The following TNIK variants were observed in gnomAD, a reference collection of about 807,000 sequenced individuals.
The protein encoded by TNIK is TRAF2 and NCK interacting kinase, also known as TRAF2 and NCK-interacting protein kinase.
Under a neutral mutation model 191.3 loss-of-function variants are expected in TNIK, and 49 were observed. The observed-to-expected ratio is 0.26, with a 90% CI of 0.20 to 0.32. TNIK has a LOEUF of 0.32. TNIK is among the 10% of genes least tolerant of loss of function. TNIK has a pLI of 1.00. For synonymous variants in TNIK, 594 were observed against 600.9 expected, an observed-to-expected ratio of 0.99 and a Z score of 0.17; for missense variants, 1,155 against 1,702.3, an observed-to-expected ratio of 0.68 and a Z score of 5.66.
At chr3:171,120,869 C>G (rs1398836290) in intron 18 of TNIK, among the ~76,000 whole-genome samples, 3 of 152,058 alleles carry the variant, frequency 2.0e-5, no homozygotes, top group African/African-American at 2.4e-5. Context: ...ATAATTTTGC[C>G]CCTACTAGTA....
chr3:171,147,849 C>A (rs1731849370), intron 12 of TNIK, among the ~76,000 whole-genome samples: 1 of 152,164 alleles, frequency 6.6e-6, no homozygotes, highest in Non-Finnish European at 1.5e-5. Flanking sequence ...CCATGCCTGA[C>A]TCTTGCCATG....
chr3:171,278,103 G>A (rs768234995), intron 2 of TNIK, among the ~76,000 whole-genome samples: 1 of 152,188 alleles, frequency 6.6e-6, no homozygotes, highest in Non-Finnish European at 1.5e-5. Flanking sequence ...ACCCGATGGG[G>A]ACGAACATGA....
intron 12 of TNIK, among the ~76,000 whole-genome samples, chr3:171,142,884 TAAGGA>T (rs1251243600): frequency 1.3e-5 from 2 of 152,188 alleles, no homozygotes; most frequent in African/African-American, 2.4e-5. Context: ...GTCTCTTTCT[TAAGGA>T]AAGGAAAATA....
At chr3:171,385,567 C>A (rs1718616757) in intron 1 of TNIK, among the ~76,000 whole-genome samples, 1 of 151,984 alleles carries the variant, frequency 6.6e-6, no homozygotes, top group African/African-American at 2.4e-5. Context: ...GGCAGGAAAT[C>A]GATACAAACT....
chr3:171,105,765 A>C (rs1385215820), intron 21 of TNIK, among the ~76,000 whole-genome samples: 3 of 152,188 alleles, frequency 2.0e-5, no homozygotes, highest in African/African-American at 7.2e-5. Context: ...GGCCCCTCCA[A>C]GCCAATTTCT....
At chr3:171,133,224 G>A (rs764331793) in intron 15 of TNIK, among the ~76,000 whole-genome samples, 2 of 152,166 alleles carry the variant, frequency 1.3e-5, no homozygotes, top group Non-Finnish European at 2.9e-5. Context: ...CCAGAAAAAC[G>A]TATAGATCCC....
At chr3:171,209,537 T>C (rs1321941562) in intron 4 of TNIK, among the ~76,000 whole-genome samples, 1 of 152,188 alleles carries the variant, frequency 6.6e-6, no homozygotes, top group Non-Finnish European at 1.5e-5. Context: ...TATCCCTTTG[T>C]TGTCATATAT....
intron 2 of TNIK, among the ~76,000 whole-genome samples, chr3:171,303,123 G>T (rs762305527): frequency 2.0e-5 from 3 of 151,992 alleles, no homozygotes; most frequent in Non-Finnish European, 4.4e-5. Context: ...TATCACACAC[G>T]TAAAAAATAA....
chr3:171,300,110 C>T (rs1752721829), intron 2 of TNIK, among the ~76,000 whole-genome samples: 1 of 152,184 alleles, frequency 6.6e-6, no homozygotes, highest in Non-Finnish European at 1.5e-5. Flanking sequence ...TCTTTAGATG[C>T]AAACTCAAAG....
In TNIK at chr3:171,417,700, C is replaced by T. The variant is rs186099152; in HGVS notation, c.57+42307G>A. 1.1e-3 allele frequency among the ~76,000 whole-genome samples: 161 copies of T among 152,262 alleles called. 1 individual carries two copies. The highest frequency in any genetic ancestry group is 1.2e-3 in the Admixed American group (19 of 15,288). Reference sequence around the variant, plus strand: ...TGCTGAAATCAGATTGCTCACTGAACTTCAATAAGTATGTTTCTTTAATAC... The same window carrying T: ...TGCTGAAATCAGATTGCTCACTGAATTTCAATAAGTATGTTTCTTTAATAC... On this transcript the variant is annotated intron_variant, in intron 1 of 32. Coordinates refer to ENST00000436636, the MANE Select transcript of TNIK (RefSeq NM_015028.4).
chr3:171,340,786 C>T (rs1282682584), intron 2 of TNIK, among the ~76,000 whole-genome samples: 1 of 151,942 alleles, frequency 6.6e-6, no homozygotes, highest in African/African-American at 2.4e-5. Flanking sequence ...TCCTGGAAAA[C>T]AGAAAAACAA....
intron 2 of TNIK, among the ~76,000 whole-genome samples, chr3:171,249,587 G>T (rs1232616591): frequency 6.6e-6 from 1 of 152,106 alleles, no homozygotes; most frequent in Non-Finnish European, 1.5e-5. Flanking sequence ...ATATTCAAAT[G>T]GAATGATGGT....
At chr3:171,314,059 C>T (rs1317324658) in intron 2 of TNIK, among the ~76,000 whole-genome samples, 2 of 152,066 alleles carry the variant, frequency 1.3e-5, no homozygotes, top group African/African-American at 2.4e-5. Flanking sequence ...ATACTTGGTG[C>T]CATATTACAG....
intron 1 of TNIK, among the ~76,000 whole-genome samples, chr3:171,371,952 AAAGAG>A (rs59903252): frequency 0.63 from 94,806 of 150,968 alleles, 29,916 homozygotes; most frequent in Middle Eastern, 0.69. Context: ...AAAATAACAG[AAAGAG>A]AAGAGATACA....
At chr3:171,186,188 C>T (rs2108816631) in intron 7 of TNIK, among the ~76,000 whole-genome samples, 1 of 152,322 alleles carries the variant, frequency 6.6e-6, no homozygotes, top group East Asian at 1.9e-4. Context: ...AAGTTGTCCC[C>T]TGGTGACAGG....
At chr3:171,122,610 A>G (rs1727915591) in intron 18 of TNIK, among the ~76,000 whole-genome samples, 1 of 152,226 alleles carries the variant, frequency 6.6e-6, no homozygotes, top group Non-Finnish European at 1.5e-5. Flanking sequence ...GAAGAGGAAA[A>G]TTAAAACTTT....
chr3:171,395,987 G>T (rs1335530238), intron 1 of TNIK, among the ~76,000 whole-genome samples: 4 of 152,062 alleles, frequency 2.6e-5, no homozygotes, highest in Non-Finnish European at 5.9e-5. Context: ...AAGTTTACAA[G>T]TCAATGGTTT....
At chr3:171,108,029 TAAGAGTTCAA>T in intron 20 of TNIK, 26 bp downstream of exon 20, 1 of 1,544,568 alleles carries the variant, frequency 6.5e-7, no homozygotes, top group Non-Finnish European at 8.8e-7. Context: ...TCTGGTAAAT[TAAGAGTTCAA>T]AACTCTTGGA....
intron 2 of TNIK, among the ~76,000 whole-genome samples, chr3:171,312,190 T>C (rs1045599516): frequency 7.8e-6 from 1 of 128,040 alleles, no homozygotes; most frequent in Non-Finnish European, 1.6e-5. Context: ...CAAATGAATA[T>C]ATAATAAGTT....
Sources: gnomAD v4.1 joint callset for allele counts (sites outside exome capture counted in the v4.1 genomes callset) on GRCh38, gnomAD v4.1.1 for gene constraint, MANE v1.5 for transcripts, NCBI Gene and HGNC (gene_info 2026-07-23, HGNC 2026-07-21) for gene names.